The following NIBAN1 variants were observed in gnomAD, a reference collection of about 807,000 sequenced individuals.
NIBAN1 encodes niban apoptosis regulator 1, also known as protein Niban 1.
Under a neutral mutation model 75.1 loss-of-function variants are expected in NIBAN1, and 81 were observed. That is an observed-to-expected ratio of 1.08 (90% CI 0.90 to 1.30). The LOEUF (loss-of-function observed/expected upper bound fraction) is 1.30, where lower values mean the gene tolerates loss of function less well. Among genes scored for constraint, NIBAN1 ranks in the 50% most tolerant of loss-of-function variants. The pLI, the probability that NIBAN1 is intolerant of heterozygous loss-of-function variation, is 0.00. For missense variants in NIBAN1, 1,133 were observed against 1,128.1 expected (o/e 1.00, Z -0.06); for synonymous variants, 436 against 424.8 (o/e 1.03, Z -0.32).
rs1653730471 is a variant in NIBAN1 at position 184,792,694 on chromosome 1, A to T, written c.*2283T>A. 1 of 152,764 alleles carries T rather than the reference A, an allele frequency of 6.5e-6. No individual in the cohort carries two copies. The highest frequency in any genetic ancestry group is 1.5e-5 in the Non-Finnish European group (1 of 68,112). 9.5% of individuals were successfully genotyped at this position (152,764 alleles called of 1,614,324 possible). On this transcript the variant is annotated 3_prime_UTR_variant, in exon 14 of 14. Coordinates refer to ENST00000367511, the MANE Select transcript of NIBAN1 (RefSeq NM_052966.4). ...TTCTGCCTGACAGCAGGCCCCAAAT[A>T]GCCCCAGCACAGCAGTGTTCTGGGT...
Position 184,794,648 on chromosome 1 carries a change from A to G in NIBAN1, c.*329T>C, listed in dbSNP as rs981681598. On this transcript the variant is annotated 3_prime_UTR_variant, in exon 14 of 14. Transcript: ENST00000367511. ...ATTGCACAATTGAAAAGTGCAGAGT[A>G]TACTCAAAACTGTCATCCTACTGTT... 14 of 422,390 alleles carry G rather than the reference A, an allele frequency of 3.3e-5. No individual in the cohort carries two copies. The Admixed American group carries it at 5.1e-4, about 15-fold the overall frequency. The allele number at this position is 422,390 out of a possible 1,614,324, so 26.2% of individuals were successfully genotyped here.
At chr1:184,845,300 T>C (rs926876896) in intron 5 of NIBAN1, among the ~76,000 whole-genome samples, 1 of 152,330 alleles carries the variant, frequency 6.6e-6, no homozygotes, top group East Asian at 1.9e-4. Context: ...TCAAGGAGCA[T>C]CTTGTTTAAT....
At chr1:184,966,612 CG>C (rs1186047637) in intron 1 of NIBAN1, among the ~76,000 whole-genome samples, 1 of 152,142 alleles carries the variant, frequency 6.6e-6, no homozygotes, top group Non-Finnish European at 1.5e-5. Context: ...AGAACTGGGA[CG>C]GGGCACACAG....
At chr1:184,813,167 A>G (rs1053063315) in intron 9 of NIBAN1, among the ~76,000 whole-genome samples, 3 of 152,204 alleles carry the variant, frequency 2.0e-5, no homozygotes, top group Non-Finnish European at 1.5e-5. Context: ...AATCTAGCAA[A>G]TGAAAAATCT....
chr1:184,963,714 A>T (rs1223001922), intron 1 of NIBAN1, among the ~76,000 whole-genome samples: 4 of 152,198 alleles, frequency 2.6e-5, no homozygotes, highest in African/African-American at 9.6e-5. Flanking sequence ...ACATTTTTGT[A>T]AAATTGTTAT....
chr1:184,896,146 G>A (rs582859), intron 2 of NIBAN1, among the ~76,000 whole-genome samples: 4 of 152,042 alleles, frequency 2.6e-5, no homozygotes, highest in South Asian at 2.1e-4. Flanking sequence ...ACTATTTTCC[G>A]TAGGGGTTGA....
intron 1 of NIBAN1, among the ~76,000 whole-genome samples, chr1:184,926,155 G>A (rs544429493): frequency 6.6e-6 from 1 of 152,064 alleles, no homozygotes; most frequent in East Asian, 1.9e-4. Context: ...AATATGTCAT[G>A]CTACTTTCTT....
At chr1:184,832,929 T>A (rs758580790) in intron 5 of NIBAN1, among the ~76,000 whole-genome samples, 9 of 152,016 alleles carry the variant, frequency 5.9e-5, no homozygotes, top group Non-Finnish European at 1.3e-4. Flanking sequence ...GAAATCTTCA[T>A]GAGGAAATGA....
At chr1:184,914,814 C>T (rs1657341178) in intron 1 of NIBAN1, among the ~76,000 whole-genome samples, 1 of 151,568 alleles carries the variant, frequency 6.6e-6, no homozygotes, top group Non-Finnish European at 1.5e-5. Flanking sequence ...CCTCTGCCTC[C>T]TGGGTTCAAA....
intron 3 of NIBAN1, among the ~76,000 whole-genome samples, chr1:184,893,106 C>T (rs536609476): frequency 7.6e-4 from 116 of 152,234 alleles, no homozygotes; most frequent in African/African-American, 2.7e-3. Flanking sequence ...GGCCAGAGAG[C>T]AGAGTTTTAA....
chr1:184,794,848 T>A lies in NIBAN1; in HGVS notation c.*129A>T. On this transcript the variant is annotated 3_prime_UTR_variant, in exon 14 of 14. Coordinates refer to ENST00000367511, the MANE Select transcript of NIBAN1 (RefSeq NM_052966.4). The stretch of plus-strand genomic sequence containing the variant: ...TTGCTCATGCCCTGTATGCATTTCC[T>A]CTGGTTTTATTATTCAAATTAAGAA... 8.0e-7 allele frequency: 1 copy of A among 1,246,984 alleles called. No homozygotes were observed. The highest frequency in any genetic ancestry group is 1.1e-6 in the Non-Finnish European group (1 of 875,314). The allele number at this position is 1,246,984 out of a possible 1,614,324, so 77.2% of individuals were successfully genotyped here. A position where few individuals can be genotyped will look rare whatever the true frequency, so the allele number is the denominator to read the frequency against.
intron 1 of NIBAN1, among the ~76,000 whole-genome samples, chr1:184,955,868 T>A (rs529919997): frequency 6.6e-6 from 1 of 152,250 alleles, no homozygotes; most frequent in African/African-American, 2.4e-5. Flanking sequence ...AGAAATAATG[T>A]ATGCCACCTC....
intron 9 of NIBAN1, among the ~76,000 whole-genome samples, chr1:184,813,600 G>T (rs1654443723): frequency 2.0e-5 from 3 of 152,174 alleles, no homozygotes; most frequent in Non-Finnish European, 4.4e-5. Context: ...GTAAATTATT[G>T]TCCTAAAGTA....
intron 1 of NIBAN1, among the ~76,000 whole-genome samples, chr1:184,944,404 C>G (rs1658172873): frequency 6.6e-6 from 1 of 152,196 alleles, no homozygotes; most frequent in African/African-American, 2.4e-5. Flanking sequence ...GACCCAGCCA[C>G]ACAGGTGGCG....
rs778822370 is a variant in NIBAN1 at position 184,795,646 on chromosome 1, C to T, written c.2118G>A (p.Ser706=). The stretch of plus-strand genomic sequence containing the variant: ...ACTTTCTGAGCGCCTTCAAAGAACC[C>T]GAGGCAGTGATGGGTTCTGGCTCTT... ...AQEEPEPITA[S]GSLKALRKLL... Residue 706 remains serine, a synonymous_variant, in exon 14 of 14, where the codon TCG becomes TCA. Coordinates refer to ENST00000367511, the MANE Select transcript of NIBAN1 (RefSeq NM_052966.4). The T allele has an allele frequency of 4.2e-5, 68 of 1,614,050 alleles. No homozygotes were observed. Among genetic ancestry groups the T allele is most frequent in the Admixed American group, 2.8e-4 (17 of 60,004 alleles).
chr1:184,801,283 C>T lies in NIBAN1; in HGVS notation c.1554+2302G>A, dbSNP rs148836190. Among the ~76,000 whole-genome samples the T allele has an allele frequency of 8.5e-5, 13 of 152,236 alleles. No individual in the cohort carries two copies. The East Asian group carries it at 2.5e-3, about 29-fold the overall frequency. The stretch of plus-strand genomic sequence containing the variant: ...GCGGGTAATAATGGGTTCCTTTATA[C>T]CCAACCAAGAAGAAAGGCAAAGGAT... On this transcript the variant is annotated intron_variant, in intron 12 of 13. Coordinates refer to ENST00000367511, the MANE Select transcript of NIBAN1 (RefSeq NM_052966.4).
intron 5 of NIBAN1, among the ~76,000 whole-genome samples, chr1:184,863,504 T>C (rs1344250382): frequency 6.6e-6 from 1 of 152,228 alleles, no homozygotes; most frequent in Non-Finnish European, 1.5e-5. Flanking sequence ...CTATTTTCAA[T>C]TAAATAAAAT....
intron 1 of NIBAN1, among the ~76,000 whole-genome samples, chr1:184,921,128 CAAA>C (rs59270543): frequency 5.5e-5 from 6 of 108,740 alleles, no homozygotes; most frequent in African/African-American, 3.4e-5. Context: ...GGCTCTGTCT[CAAA>C]AAAAAAAAAA....
chr1:184,959,421 A>T (rs1346579929), intron 1 of NIBAN1, among the ~76,000 whole-genome samples: 1 of 152,208 alleles, frequency 6.6e-6, no homozygotes, highest in East Asian at 1.9e-4. Context: ...GTGTTCGCAC[A>T]TGGAGCATAT....
Sources: gnomAD v4.1 joint callset for allele counts (sites outside exome capture counted in the v4.1 genomes callset) on GRCh38, gnomAD v4.1.1 for gene constraint, MANE v1.5 for transcripts, NCBI Gene and HGNC (gene_info 2026-07-23, HGNC 2026-07-21) for gene names.